Variants in C8orf76 observed in about 807,000 individuals in gnomAD.
C8orf76 encodes chromosome 8 open reading frame 76.
Under a neutral mutation model 38.1 loss-of-function variants are expected in C8orf76, and 46 were observed. That is an observed-to-expected ratio of 1.21 (90% CI 0.95 to 1.54). C8orf76 has a LOEUF of 1.54. C8orf76 is among the 40% of genes most tolerant of loss of function. The probability of loss-of-function intolerance (pLI) is 0.00; values close to 1 mark genes in which losing one functional copy is unlikely to be tolerated. For synonymous variants in C8orf76, 166 were observed against 167.5 expected (o/e 0.99, Z 0.07); for missense variants, 461 against 441.6 (o/e 1.04, Z -0.39).
intron 2 of C8orf76, 127 bp from the exon 3 acceptor site, chr8:123,238,068 A>C (rs1029309639): frequency 8.9e-7 from 1 of 1,123,534 alleles, no homozygotes; most frequent in Admixed American, 3.1e-5. Flanking sequence ...AATTACATGA[A>C]TATTTAAATG....
At position 123,234,985 on chromosome 8, in the gene C8orf76, A is replaced by G. The variant is rs567546178; in HGVS notation, c.357+2813T>C. On this transcript the variant is annotated intron_variant, in intron 3 of 5. Transcript: ENST00000276704. ...TCAAAAAGAAAAAAAGAGCTGATGT[A>G]TATGTGCGCTGGCTAAACCGACCAG... Among the ~76,000 whole-genome samples the G allele has an allele frequency of 2.9e-3, 445 of 152,246 alleles. 1 individual carries two copies. The highest frequency in any genetic ancestry group is 4.2e-3 in the Non-Finnish European group (284 of 68,008).
At position 123,220,158 on chromosome 8, in the gene C8orf76, T is replaced by G; in HGVS notation, c.1088A>C (p.Asp363Ala). The change falls in exon 6 of 6, where the codon GAC (aspartate) becomes GCC (alanine). Residue 363 changes from aspartate (D) to alanine (A), a missense_variant. Coordinates refer to ENST00000276704, the MANE Select transcript of C8orf76 (RefSeq NM_032847.3). ...FEDKWFRKIK[D>A]HFCPFENQFH... ...CTGATTTTCAAATGGACAGAAATGGTCTTTGATCTTTCTGAACCACTTGTC... is the reference window on the plus strand; with the variant it reads ...CTGATTTTCAAATGGACAGAAATGGGCTTTGATCTTTCTGAACCACTTGTC... 1.2e-6 allele frequency: 2 copies of G among 1,613,842 alleles called. No homozygotes were observed. The highest frequency in any genetic ancestry group is 1.7e-6 in the Non-Finnish European group (2 of 1,179,934).
chr8:123,231,282 A>C lies in C8orf76; in HGVS notation c.815+18T>G, dbSNP rs747617746. ...CTGAGCTGATTACCAAGCGTTGCTT[A>C]AGTGACTCTCAGCTTACCTGGTTCG... is the stretch of plus-strand genomic sequence containing the variant. On this transcript the variant is annotated intron_variant, in intron 4 of 5. Coordinates refer to ENST00000276704, the MANE Select transcript of C8orf76 (RefSeq NM_032847.3). The C allele has an allele frequency of 1.9e-6, 3 of 1,586,800 alleles. No homozygotes were observed. Among genetic ancestry groups the C allele is most frequent in the Non-Finnish European group, 1.7e-6 (2 of 1,168,282 alleles).
At chr8:123,237,406 G>C (rs982642171) in intron 3 of C8orf76, among the ~76,000 whole-genome samples, 40 of 151,040 alleles carry the variant, frequency 2.6e-4, no homozygotes, top group African/African-American at 9.2e-4. Flanking sequence ...TAGTCATTTT[G>C]GGGGGGGGAC....
At chr8:123,236,292 T>C (rs1825474978) in intron 3 of C8orf76, among the ~76,000 whole-genome samples, 1 of 152,180 alleles carries the variant, frequency 6.6e-6, no homozygotes, top group African/African-American at 2.4e-5. Flanking sequence ...TGCCACAGTG[T>C]CTCCTTAATT....
At chr8:123,232,863 C>G (rs1825323474) in intron 3 of C8orf76, among the ~76,000 whole-genome samples, 1 of 152,172 alleles carries the variant, frequency 6.6e-6, no homozygotes, top group African/African-American at 2.4e-5. Flanking sequence ...GTACAGAGCA[C>G]AGCTCCTCGG....
In C8orf76 at chr8:123,220,233, C is replaced by A. The variant is rs914184027; in HGVS notation, c.1013G>T (p.Gly338Val). 1 of 1,613,412 alleles carries A rather than the reference C, an allele frequency of 6.2e-7. No homozygotes were observed. The highest frequency in any genetic ancestry group is 1.3e-5 in the African/African-American group (1 of 75,002). ...CACCAAGGCAGTCAGGGCTACGGAG[C>A]CAACACACTTCACCTCTGGGTGAAC... ...DEVHPEVKCVGSVALTALVTV... is the reference protein window; with the variant it reads ...DEVHPEVKCVVSVALTALVTV... Residue 338 changes from glycine (G) to valine (V), a missense_variant, in exon 6 of 6, where the codon GGC becomes GTC. Transcript: ENST00000276704.
chr8:123,235,192 A>C (rs988396356), intron 3 of C8orf76, among the ~76,000 whole-genome samples: 3 of 152,196 alleles, frequency 2.0e-5, no homozygotes, highest in African/African-American at 7.2e-5. Context: ...ACCAACCACT[A>C]TAAGAAAATG....
intron 4 of C8orf76, among the ~76,000 whole-genome samples, chr8:123,230,745 G>A (rs562443817): frequency 1.3e-5 from 2 of 152,200 alleles, no homozygotes; most frequent in South Asian, 4.1e-4. Flanking sequence ...CCGCCTCCCG[G>A]GTTCAGCGAT....
At chr8:123,239,371 GGTT>G in intron 1 of C8orf76, 1 of 409,982 alleles carries the variant, frequency 2.4e-6, no homozygotes, top group South Asian at 3.1e-5. Flanking sequence ...AGCCCACATT[GGTT>G]CTTTAAAATG....
intron 4 of C8orf76, among the ~76,000 whole-genome samples, chr8:123,230,655 C>T (rs1338905511): frequency 7.1e-6 from 1 of 140,208 alleles, no homozygotes; most frequent in African/African-American, 2.6e-5. Flanking sequence ...CTGGTCAACT[C>T]TTTTTTTTTT....
At chr8:123,231,156 G>A in intron 4 of C8orf76, 144 bp downstream of exon 4, 1 of 1,030,412 alleles carries the variant, frequency 9.7e-7, no homozygotes, top group East Asian at 2.7e-5. Context: ...ACACTAGAAT[G>A]ACAAACGTTC....
chr8:123,226,360 G>C (rs1033855031), intron 5 of C8orf76, 140 bp downstream of exon 5: 15 of 1,491,608 alleles, frequency 1.0e-5, no homozygotes, highest in Non-Finnish European at 1.1e-5. Context: ...GGTGATTGCT[G>C]AGTGATCAAA....
intron 1 of C8orf76, among the ~76,000 whole-genome samples, chr8:123,240,606 A>G (rs149549869): frequency 1.5e-4 from 23 of 152,372 alleles, no homozygotes; most frequent in African/African-American, 5.3e-4. Context: ...GGCATCAAGA[A>G]CCCATGCTGG....
intron 5 of C8orf76, among the ~76,000 whole-genome samples, chr8:123,221,564 T>G (rs1326486706): frequency 2.0e-5 from 3 of 152,170 alleles, no homozygotes; most frequent in African/African-American, 7.2e-5. Context: ...GCCTCCAAAG[T>G]AGCTGGGACT....
intron 2 of C8orf76, 107 bp from the exon 3 acceptor site, chr8:123,238,048 C>T: frequency 3.2e-6 from 4 of 1,263,458 alleles, no homozygotes; most frequent in Non-Finnish European, 4.3e-6. Context: ...AATGTTATAA[C>T]TGACCAATGA....
At chr8:123,229,470 C>T (rs957508049) in intron 4 of C8orf76, among the ~76,000 whole-genome samples, 1 of 152,240 alleles carries the variant, frequency 6.6e-6, no homozygotes, top group African/African-American at 2.4e-5. Context: ...TCTGTAAAGG[C>T]TTCCTTCTTT....
At chr8:123,234,892 G>A (rs757623122) in intron 3 of C8orf76, among the ~76,000 whole-genome samples, 2 of 152,274 alleles carry the variant, frequency 1.3e-5, no homozygotes, top group South Asian at 4.1e-4. Context: ...AACCTGGGAG[G>A]AGGAGGCTGC....
At chr8:123,236,944 A>G in intron 3 of C8orf76, 1 of 1,516,676 alleles carries the variant, frequency 6.6e-7, no homozygotes, top group Non-Finnish European at 9.1e-7. Context: ...AGGGCATCCC[A>G]CCTGACCAGC....
Sources: gnomAD v4.1 joint callset for allele counts (sites outside exome capture counted in the v4.1 genomes callset) on GRCh38, gnomAD v4.1.1 for gene constraint, MANE v1.5 for transcripts, NCBI Gene and HGNC (gene_info 2026-07-23, HGNC 2026-07-21) for gene names.